MYO10: variants seen among roughly 807,000 people sequenced by gnomAD.
MYO10 encodes the protein unconventional myosin-X.
Under a neutral mutation model 257.3 loss-of-function variants are expected in MYO10, and 133 were observed. That is an observed-to-expected ratio of 0.52 (90% CI 0.45 to 0.60). The LOEUF is 0.60. Among genes scored for constraint, MYO10 ranks in the 20% least tolerant of loss-of-function variants. The probability of loss-of-function intolerance (pLI) is 0.00; values close to 1 mark genes in which losing one functional copy is unlikely to be tolerated. For synonymous variants in MYO10, 1,104 were observed against 1,028.6 expected (o/e 1.07, Z -1.40); for missense variants, 2,399 against 2,635.7 (o/e 0.91, Z 1.97).
chr5:16,890,874 T>A (rs1488485215), intron 1 of MYO10, among the ~76,000 whole-genome samples: 1 of 151,762 alleles, frequency 6.6e-6, no homozygotes, highest in Admixed American at 6.5e-5. Flanking sequence ...AACAGAGAAC[T>A]GATACATGCT....
intron 3 of MYO10, among the ~76,000 whole-genome samples, chr5:16,816,970 C>T (rs1742636368): frequency 6.6e-6 from 1 of 152,146 alleles, no homozygotes; most frequent in African/African-American, 2.4e-5. Context: ...CAGGCATGTG[C>T]CACCATGCCC....
intron 4 of MYO10, 54 bp downstream of exon 4, chr5:16,794,592 C>T (rs1741873475): frequency 2.7e-6 from 4 of 1,498,958 alleles, no homozygotes; most frequent in Admixed American, 2.0e-5. Flanking sequence ...GTTGGGGGTG[C>T]GCGGAGGGAC....
intron 4 of MYO10, among the ~76,000 whole-genome samples, chr5:16,787,278 G>T (rs1053676541): frequency 6.6e-6 from 1 of 152,124 alleles, no homozygotes; most frequent in Non-Finnish European, 1.5e-5. Flanking sequence ...GAGGTAAGTG[G>T]TGTCTACTCA....
intron 18 of MYO10, among the ~76,000 whole-genome samples, chr5:16,755,138 C>A (rs1740491271): frequency 6.6e-6 from 1 of 152,116 alleles, no homozygotes; most frequent in Non-Finnish European, 1.5e-5. Context: ...TTTATCACTT[C>A]CTTTGAAATA....
At chr5:16,748,388 G>T (rs1740274485) in intron 19 of MYO10, among the ~76,000 whole-genome samples, 2 of 152,096 alleles carry the variant, frequency 1.3e-5, no homozygotes, top group South Asian at 4.1e-4. Flanking sequence ...GGGGTTACAG[G>T]TGTACACCAC....
intron 1 of MYO10, among the ~76,000 whole-genome samples, chr5:16,921,957 G>C (rs1561061186): frequency 6.6e-6 from 1 of 152,126 alleles, no homozygotes. Flanking sequence ...GCTCCCACCT[G>C]TAATCCTAGC....
intron 6 of MYO10, 67 bp downstream of exon 6, chr5:16,781,638 A>G (rs1029965645): frequency 2.1e-6 from 3 of 1,449,262 alleles, no homozygotes; most frequent in Non-Finnish European, 1.9e-6. Flanking sequence ...CAATCCTTAT[A>G]ATTAGTGAGA....
chr5:16,883,923 C>T (rs1744825285), intron 1 of MYO10, among the ~76,000 whole-genome samples: 1 of 152,188 alleles, frequency 6.6e-6, no homozygotes, highest in Admixed American at 6.5e-5. Flanking sequence ...AAAAAGAGAA[C>T]ATTCTTTAGC....
At chr5:16,685,694 TG>T in intron 29 of MYO10, 43 bp downstream of exon 29, 1 of 543,984 alleles carries the variant, frequency 1.8e-6, no homozygotes, top group Non-Finnish European at 3.5e-6. Context: ...TCCCCGTCCC[TG>T]CCCCTAGACG....
At chr5:16,715,186 T>C (rs1429183440) in intron 19 of MYO10, among the ~76,000 whole-genome samples, 1 of 150,332 alleles carries the variant, frequency 6.7e-6, no homozygotes, top group Non-Finnish European at 1.5e-5. Flanking sequence ...GACATACCTA[T>C]TGACTCTAGG....
intron 2 of MYO10, among the ~76,000 whole-genome samples, chr5:16,859,954 A>C (rs1367854015): frequency 6.6e-6 from 1 of 152,134 alleles, no homozygotes; most frequent in Non-Finnish European, 1.5e-5. Context: ...TCAGAAACAT[A>C]AATATAACTT....
intron 4 of MYO10, among the ~76,000 whole-genome samples, chr5:16,792,055 C>T (rs1321038440): frequency 2.0e-5 from 3 of 149,986 alleles, no homozygotes; most frequent in South Asian, 2.1e-4. Flanking sequence ...CTTTAGGTAA[C>T]GAGAAGACAG....
At chr5:16,835,192 G>A (rs1018441844) in intron 2 of MYO10, among the ~76,000 whole-genome samples, 3 of 152,028 alleles carry the variant, frequency 2.0e-5, no homozygotes, top group African/African-American at 7.2e-5. Context: ...TAGAGGGGTG[G>A]GGAAGAATTT....
intron 11 of MYO10, among the ~76,000 whole-genome samples, chr5:16,765,116 T>C (rs1343008212): frequency 2.0e-5 from 3 of 152,194 alleles, no homozygotes; most frequent in African/African-American, 7.2e-5. Context: ...ATTAAAAACA[T>C]ATTAGAGGAG....
chr5:16,819,510 T>A (rs189233160), intron 2 of MYO10, among the ~76,000 whole-genome samples: 76 of 152,194 alleles, frequency 5.0e-4, no homozygotes, highest in African/African-American at 1.8e-3. Flanking sequence ...AGTTTTTAAA[T>A]ACTTGGATTA....
At chr5:16,773,819 T>C (rs770423480) in intron 9 of MYO10, among the ~76,000 whole-genome samples, 15 of 152,152 alleles carry the variant, frequency 9.9e-5, no homozygotes, top group Non-Finnish European at 1.9e-4. Context: ...ACAAATGTGT[T>C]TACTATATTA....
chr5:16,787,392 G>A (rs1000996216), intron 4 of MYO10, among the ~76,000 whole-genome samples: 1 of 152,022 alleles, frequency 6.6e-6, no homozygotes, highest in African/African-American at 2.4e-5. Flanking sequence ...GATGTCCCGA[G>A]ATACTAATGT....
intron 3 of MYO10, among the ~76,000 whole-genome samples, chr5:16,805,996 G>A (rs1458245694): frequency 6.6e-6 from 1 of 152,146 alleles, no homozygotes; most frequent in Non-Finnish European, 1.5e-5. Flanking sequence ...GCATGCATAT[G>A]TATATCAAAA....
chr5:16,681,610 G>T, intron 31 of MYO10, 107 bp from the exon 32 acceptor site: 1 of 1,250,926 alleles, frequency 8.0e-7, no homozygotes, highest in African/African-American at 1.5e-5. Flanking sequence ...CTAGCTGTTT[G>T]CCAGAAAAAG....
Sources: allele counts gnomAD v4.1 joint callset (sites outside exome capture counted in the v4.1 genomes callset), GRCh38; gene constraint gnomAD v4.1.1; transcripts MANE v1.5; gene names NCBI Gene and HGNC (gene_info 2026-07-23, HGNC 2026-07-21).